RFTN1: variants seen among roughly 807,000 people sequenced by gnomAD.
The protein encoded by RFTN1 is raftlin, lipid raft linker 1, also known as raftlin.
RFTN1 carries 26 observed loss-of-function variants against 46.5 expected under a neutral mutation model. The ratio of observed to expected loss-of-function variants is 0.56; its 90% CI spans 0.41 to 0.78. RFTN1 has a LOEUF of 0.78. Among genes scored for constraint, RFTN1 ranks in the 30% least tolerant of loss-of-function variants. RFTN1 has a pLI of 0.00. For missense variants in RFTN1, 693 were observed against 718.7 expected (o/e 0.96, Z 0.41); for synonymous variants, 261 against 284.2 (o/e 0.92, Z 0.82).
chr3:16,366,507 C>CCGGGA (rs2073183237), intron 6 of RFTN1, among the ~76,000 whole-genome samples: 1 of 152,126 alleles, frequency 6.6e-6, no homozygotes, highest in South Asian at 2.1e-4. Context: ...GAGTCCTCCT[C>CCGGGA]GTCCCACCGG....
chr3:16,333,176 G>A (rs2070497314), intron 7 of RFTN1, among the ~76,000 whole-genome samples: 1 of 152,174 alleles, frequency 6.6e-6, no homozygotes, highest in Admixed American at 6.5e-5. Context: ...ATGCATAGGG[G>A]CTATTTTTAA....
At chr3:16,394,383 C>T (rs1419586314) in intron 4 of RFTN1, among the ~76,000 whole-genome samples, 1 of 151,898 alleles carries the variant, frequency 6.6e-6, no homozygotes, top group Non-Finnish European at 1.5e-5. Context: ...CCCTTAAAAA[C>T]AAACAAACAA....
rs938832327 is a variant in RFTN1 at position 16,351,535 on chromosome 3, A to G, written c.1146+6397T>C. ...AGTCTGCGGGGTTGCAGAGGCTGTA[A>G]TGATACCCTAAGCCATTCTACCTGA... On this transcript the variant is annotated intron_variant, in intron 7 of 9. Coordinates refer to ENST00000334133, the MANE Select transcript of RFTN1 (RefSeq NM_015150.2). This position sits in a 1 kb window ranked among gnomAD's most constrained non-coding sequence, Gnocchi z 5.4. Among the ~76,000 whole-genome samples, 1 of 152,194 alleles carries G rather than the reference A, an allele frequency of 6.6e-6. No individual in the cohort carries two copies. The highest frequency in any genetic ancestry group is 2.4e-5 in the African/African-American group (1 of 41,432).
In RFTN1 at chr3:16,345,788, CTGTGTG is replaced by C. The variant is rs370820242; in HGVS notation, c.1146+12138_1146+12143del. On this transcript the variant is annotated intron_variant, in intron 7 of 9. Transcript: ENST00000334133. The surrounding 1 kb of genome is among the most constrained non-coding windows in gnomAD (Gnocchi z 5.2). ...TGAGCCAAAACCTTATAATAAATCT[CTGTGTG>C]TGTGTGTGTGTGTGTGTGTGTGTGC... Among the ~76,000 whole-genome samples, 823 of 127,242 alleles carry C rather than the reference CTGTGTG, an allele frequency of 6.5e-3. 6 individuals are homozygous for C. The highest frequency in any genetic ancestry group is 0.013 in the Middle Eastern group (3 of 238). 83.5% of individuals were successfully genotyped at this position (127,242 alleles called of 152,430 possible).
At chr3:16,396,494 T>G (rs1421557317) in intron 4 of RFTN1, among the ~76,000 whole-genome samples, 2 of 152,282 alleles carry the variant, frequency 1.3e-5, no homozygotes, top group African/African-American at 2.4e-5. Flanking sequence ...GTTAGAAGAT[T>G]GCTATATCTG....
In RFTN1 at chr3:16,421,018, G is replaced by A. The variant is rs1454590214; in HGVS notation, c.333-11535C>T. Among the ~76,000 whole-genome samples, 1 of 152,182 alleles carries A rather than the reference G, an allele frequency of 6.6e-6. No individual in the cohort carries two copies. ...AGTTCCAGTGTGTCTCAAATGCTGAGTGGATCAATTGTCTCCAAATTTTTC... is the reference window on the plus strand; with the variant it reads ...AGTTCCAGTGTGTCTCAAATGCTGAATGGATCAATTGTCTCCAAATTTTTC... On this transcript the variant is annotated intron_variant, in intron 3 of 9. Coordinates refer to ENST00000334133, the MANE Select transcript of RFTN1 (RefSeq NM_015150.2). This position sits in a 1 kb window ranked among gnomAD's most constrained non-coding sequence, Gnocchi z 4.6.
chr3:16,389,699 G>A (rs570012636), intron 4 of RFTN1, among the ~76,000 whole-genome samples: 2 of 152,288 alleles, frequency 1.3e-5, no homozygotes, highest in East Asian at 3.9e-4. Flanking sequence ...TGGAATTCAT[G>A]TATGTGGCAG....
intron 2 of RFTN1, among the ~76,000 whole-genome samples, chr3:16,464,023 C>T (rs1357201234): frequency 1.3e-5 from 2 of 152,100 alleles, no homozygotes; most frequent in African/African-American, 4.8e-5. Flanking sequence ...AACTGTAAAT[C>T]CTTATTGTCT....
chr3:16,401,082 G>T (rs2074588843), intron 4 of RFTN1, among the ~76,000 whole-genome samples: 1 of 152,176 alleles, frequency 6.6e-6, no homozygotes, highest in South Asian at 2.1e-4. Context: ...AAAGCCAATG[G>T]GGGCCGATCG....
chr3:16,365,879 A>T (rs796421487), intron 6 of RFTN1, among the ~76,000 whole-genome samples: 1 of 118,438 alleles, frequency 8.4e-6, no homozygotes, highest in Non-Finnish European at 1.7e-5. Flanking sequence ...TCAGGGAAAG[A>T]AAAAAGGGCT....
At position 16,322,017 on chromosome 3, in the gene RFTN1, G is replaced by A. The variant is rs960775478; in HGVS notation, c.1332+1359C>T. Among the ~76,000 whole-genome samples, 5 of 152,224 alleles carry A rather than the reference G, an allele frequency of 3.3e-5. No individual in the cohort carries two copies. The highest frequency in any genetic ancestry group is 3.3e-4 in the Admixed American group (5 of 15,286). ...TGGCACCATCTCCCTCTGTAAGGCT[G>A]CAGCGGGTGTCTGTCAGCATCTGAC... On this transcript the variant is annotated intron_variant, in intron 9 of 9. Coordinates refer to ENST00000334133, the MANE Select transcript of RFTN1 (RefSeq NM_015150.2). This position sits in a 1 kb window ranked among gnomAD's most constrained non-coding sequence, Gnocchi z 6.2.
rs930583643 is a variant in RFTN1 at position 16,407,574 on chromosome 3, T to C, written c.441+1801A>G. Among the ~76,000 whole-genome samples, 2 of 152,098 alleles carry C rather than the reference T, an allele frequency of 1.3e-5. No individual in the cohort carries two copies. The highest frequency in any genetic ancestry group is 2.9e-5 in the Non-Finnish European group (2 of 68,024). On this transcript the variant is annotated intron_variant, in intron 4 of 9. Transcript: ENST00000334133. The surrounding 1 kb of genome is among the most constrained non-coding windows in gnomAD (Gnocchi z 4.0). The stretch of plus-strand genomic sequence containing the variant: ...TTTTACTCACTTACCCCTCAAATAT[T>C]CCAAGCATCTGAGTCTTAATTACAA...
intron 4 of RFTN1, among the ~76,000 whole-genome samples, chr3:16,398,093 A>C (rs1205947476): frequency 6.6e-6 from 1 of 151,710 alleles, no homozygotes; most frequent in African/African-American, 2.4e-5. Flanking sequence ...AAAAATACGA[A>C]AAAATCAGCT....
In RFTN1 at chr3:16,317,267, C is replaced by T. The variant is rs1373632095; in HGVS notation, c.1333-35G>A. ...AGAAAGGATGGGGATAAATAACAAG[C>T]CTCCGGGAACCCAGAGCTTCACCCA... On this transcript the variant is annotated intron_variant, in intron 9 of 9. Coordinates refer to ENST00000334133, the MANE Select transcript of RFTN1 (RefSeq NM_015150.2). This position sits in a 1 kb window ranked among gnomAD's most constrained non-coding sequence, Gnocchi z 4.3. 6.2e-7 allele frequency: 1 copy of T among 1,601,884 alleles called. No homozygotes were observed. The highest frequency in any genetic ancestry group is 1.7e-5 in the Admixed American group (1 of 58,910).
In RFTN1 at chr3:16,479,256, C is replaced by T. The variant is rs1455747615; in HGVS notation, c.145+14469G>A. Reference sequence around the variant, plus strand: ...ACTTGCCTTAAGCCACTTCTGAATTCACACTTTATATCCAAGAAAGTAAAT... The same window carrying T: ...ACTTGCCTTAAGCCACTTCTGAATTTACACTTTATATCCAAGAAAGTAAAT... On this transcript the variant is annotated intron_variant, in intron 2 of 9. Transcript: ENST00000334133. This position sits in a 1 kb window ranked among gnomAD's most constrained non-coding sequence, Gnocchi z 5.1. Among the ~76,000 whole-genome samples, 2 of 152,220 alleles carry T rather than the reference C, an allele frequency of 1.3e-5. No homozygotes were observed. The highest frequency in any genetic ancestry group is 2.9e-5 in the Non-Finnish European group (2 of 68,040).
chr3:16,430,010 A>G (rs1215042611), intron 3 of RFTN1, among the ~76,000 whole-genome samples: 2 of 152,260 alleles, frequency 1.3e-5, no homozygotes, highest in Admixed American at 6.5e-5. Flanking sequence ...TGTGAAAAGT[A>G]TCACTTTAAC....
In RFTN1 at chr3:16,504,031, A is replaced by G. The variant is rs2076759125; in HGVS notation, c.-9+9411T>C. 2.0e-5 allele frequency among the ~76,000 whole-genome samples: 3 copies of G among 152,274 alleles called. No homozygotes were observed. In the South Asian group the frequency reaches 6.2e-4, roughly 32 times the overall value. ...GCGTGTACTCTTTTACAATCTATATATAACACCCAGAACAACATATGGCAG... is the reference window on the plus strand; with the variant it reads ...GCGTGTACTCTTTTACAATCTATATGTAACACCCAGAACAACATATGGCAG... On this transcript the variant is annotated intron_variant, in intron 1 of 9. Transcript: ENST00000334133. This position sits in a 1 kb window ranked among gnomAD's most constrained non-coding sequence, Gnocchi z 4.4.
intron 4 of RFTN1, among the ~76,000 whole-genome samples, chr3:16,399,417 C>T (rs1013873975): frequency 2.6e-5 from 4 of 152,154 alleles, no homozygotes; most frequent in South Asian, 2.1e-4. Flanking sequence ...GTGGAGGTTG[C>T]CAGTGACTTC....
rs1211775249 is a variant in RFTN1, at chr3:16,361,926, C to A, written c.1031-3879G>T. On this transcript the variant is annotated intron_variant, in intron 6 of 9. Transcript: ENST00000334133. The surrounding 1 kb of genome is among the most constrained non-coding windows in gnomAD (Gnocchi z 4.3). ...CCAGCTGAGACCAGTTCTGCCTCAACAGAGCTGCTCCAGCCAACCCCAAAA... is the reference window on the plus strand; with the variant it reads ...CCAGCTGAGACCAGTTCTGCCTCAAAAGAGCTGCTCCAGCCAACCCCAAAA... Among the ~76,000 whole-genome samples, 2 of 152,220 alleles carry A rather than the reference C, an allele frequency of 1.3e-5. No individual in the cohort carries two copies. The highest frequency in any genetic ancestry group is 2.9e-5 in the Non-Finnish European group (2 of 68,040).
Sources: allele counts gnomAD v4.1 joint callset (sites outside exome capture counted in the v4.1 genomes callset), GRCh38; gene constraint gnomAD v4.1.1; non-coding constraint Gnocchi (gnomAD v3.1); transcripts MANE v1.5; gene names NCBI Gene and HGNC (gene_info 2026-07-23, HGNC 2026-07-21).